The following MAD1L1 variants were observed in gnomAD, a reference collection of about 807,000 sequenced individuals.
MAD1L1 encodes mitotic spindle assembly checkpoint protein MAD1.
MAD1L1 carries 95 observed loss-of-function variants against 96.9 expected under a neutral mutation model. The ratio of observed to expected loss-of-function variants is 0.98; its 90% CI spans 0.83 to 1.16. The LOEUF is 1.16. Ranked by LOEUF, MAD1L1 falls within the 50% of genes most tolerant of loss-of-function variation. The pLI is 0.00. For missense variants in MAD1L1, 1,007 were observed against 954.4 expected (o/e 1.06, Z -0.73); for synonymous variants, 473 against 396.6 (o/e 1.19, Z -2.29).
At chr7:1,841,272 A>G (rs1783240633) in intron 18 of MAD1L1, among the ~76,000 whole-genome samples, 1 of 152,318 alleles carries the variant, frequency 6.6e-6, no homozygotes, top group Non-Finnish European at 1.5e-5. Context: ...AGTCACTCAC[A>G]TGGGGGGCGA....
At chr7:2,222,974 A>C (rs2115011701) in intron 4 of MAD1L1, among the ~76,000 whole-genome samples, 1 of 152,356 alleles carries the variant, frequency 6.6e-6, no homozygotes, top group Non-Finnish European at 1.5e-5. Flanking sequence ...GTGCGAGGTC[A>C]GGGCTCCCAG....
intron 18 of MAD1L1, among the ~76,000 whole-genome samples, chr7:1,819,595 G>A (rs574705736): frequency 7.2e-5 from 11 of 152,320 alleles, no homozygotes; most frequent in South Asian, 2.1e-4. Flanking sequence ...TGCCACGTGA[G>A]CAGTGCTCAC....
At chr7:2,067,712 C>T (rs1000234589) in intron 12 of MAD1L1, among the ~76,000 whole-genome samples, 8 of 152,268 alleles carry the variant, frequency 5.3e-5, no homozygotes, top group Non-Finnish European at 1.0e-4. Flanking sequence ...ACTGCAGCAG[C>T]GCTTTGTGAT....
chr7:1,827,354 G>A (rs1782449341), intron 18 of MAD1L1, among the ~76,000 whole-genome samples: 1 of 152,214 alleles, frequency 6.6e-6, no homozygotes, highest in Admixed American at 6.5e-5. Context: ...GGGTGAGGAG[G>A]GAGGAGCTGC....
intron 18 of MAD1L1, among the ~76,000 whole-genome samples, chr7:1,832,641 G>A (rs796200252): frequency 1.7e-5 from 1 of 58,316 alleles, no homozygotes; most frequent in African/African-American, 6.0e-5. Flanking sequence ...GGCGGGGGGG[G>A]GGGGGGTGGG....
chr7:1,920,086 A>G (rs1406706797), intron 17 of MAD1L1, among the ~76,000 whole-genome samples: 1 of 152,146 alleles, frequency 6.6e-6, no homozygotes, highest in Non-Finnish European at 1.5e-5. Context: ...AGCAACCCCC[A>G]GAGTCAGAAG....
chr7:2,085,368 A>T (rs1042664848), intron 11 of MAD1L1, among the ~76,000 whole-genome samples: 12 of 152,204 alleles, frequency 7.9e-5, no homozygotes, highest in African/African-American at 2.7e-4. Flanking sequence ...CCGCACAGCC[A>T]CGCAGTACAC....
At chr7:2,101,768 A>G (rs374928983) in intron 11 of MAD1L1, among the ~76,000 whole-genome samples, 55 of 152,310 alleles carry the variant, frequency 3.6e-4, no homozygotes, top group African/African-American at 1.0e-3. Flanking sequence ...ACCAAAGTGA[A>G]CAGCTTCTAT....
chr7:2,228,106 G>A (rs748928001), intron 3 of MAD1L1, among the ~76,000 whole-genome samples: 4 of 151,916 alleles, frequency 2.6e-5, no homozygotes, highest in African/African-American at 4.8e-5. Context: ...CCATCACTCC[G>A]CTCACCACCT....
At chr7:2,060,385 G>A (rs1784602340) in intron 12 of MAD1L1, among the ~76,000 whole-genome samples, 1 of 151,048 alleles carries the variant, frequency 6.6e-6, no homozygotes, top group South Asian at 2.1e-4. Context: ...ATGCCGAGAT[G>A]TCAAGATACG....
At chr7:2,128,460 A>G (rs1788344904) in intron 11 of MAD1L1, among the ~76,000 whole-genome samples, 1 of 152,090 alleles carries the variant, frequency 6.6e-6, no homozygotes. Context: ...AAAGCACAGA[A>G]CACGAACAGG....
At chr7:1,854,518 G>C (rs927757805) in intron 18 of MAD1L1, 7 of 380,310 alleles carry the variant, frequency 1.8e-5, no homozygotes, top group African/African-American at 6.3e-5. Flanking sequence ...TGTCACACGG[G>C]GGAAGGGGCG....
intron 17 of MAD1L1, 84 bp downstream of exon 17, chr7:1,936,603 G>A (rs1260626588): frequency 6.5e-5 from 87 of 1,345,406 alleles, no homozygotes; most frequent in Non-Finnish European, 8.3e-5. Flanking sequence ...AGGCAGGGGC[G>A]CCTGAGGCTG....
chr7:1,976,483 A>G (rs1469367342), intron 15 of MAD1L1, among the ~76,000 whole-genome samples: 1 of 152,178 alleles, frequency 6.6e-6, no homozygotes, highest in African/African-American at 2.4e-5. Flanking sequence ...CGGCCTCAGG[A>G]GTGAAGCTGC....
intron 5 of MAD1L1, chr7:2,221,008 G>C: frequency 1.2e-6 from 2 of 1,612,364 alleles, no homozygotes; most frequent in Non-Finnish European, 1.7e-6. Context: ...AGTAAGGAGC[G>C]TGACAATCAG....
intron 12 of MAD1L1, among the ~76,000 whole-genome samples, chr7:2,043,998 T>C (rs923146911): frequency 1.3e-5 from 2 of 152,116 alleles, no homozygotes; most frequent in African/African-American, 4.8e-5. Context: ...GCACACGCAA[T>C]GGACGGCGGC....
At chr7:2,115,946 A>G (rs1010596708) in intron 11 of MAD1L1, among the ~76,000 whole-genome samples, 8 of 152,072 alleles carry the variant, frequency 5.3e-5, no homozygotes, top group African/African-American at 1.9e-4. Context: ...CACCACCTAA[A>G]CACAGAATGC....
intron 10 of MAD1L1, among the ~76,000 whole-genome samples, chr7:2,169,074 G>A (rs545458773): frequency 4.6e-5 from 7 of 152,322 alleles, no homozygotes; most frequent in East Asian, 1.9e-4. Flanking sequence ...AGGAAGAACC[G>A]GAAACAACCT....
chr7:2,144,237 C>T (rs1193727221), intron 11 of MAD1L1, among the ~76,000 whole-genome samples: 1 of 152,186 alleles, frequency 6.6e-6, no homozygotes, highest in Non-Finnish European at 1.5e-5. Flanking sequence ...CTGTGAGGCT[C>T]AAGTGAGAGG....
Sources: allele counts gnomAD v4.1 joint callset (sites outside exome capture counted in the v4.1 genomes callset), GRCh38; gene constraint gnomAD v4.1.1; transcripts MANE v1.5; gene names NCBI Gene and HGNC (gene_info 2026-07-23, HGNC 2026-07-21).